Variants in CYP2C18 observed in about 807,000 individuals in gnomAD.
The protein encoded by CYP2C18 is cytochrome P450 2C18.
Under a neutral mutation model 41.3 loss-of-function variants are expected in CYP2C18, and 38 were observed. The ratio of observed to expected loss-of-function variants is 0.92; its 90% CI spans 0.71 to 1.21. CYP2C18 has a LOEUF of 1.21. CYP2C18 is among the 50% of genes most tolerant of loss of function. The pLI is 0.00. For missense variants in CYP2C18, 635 were observed against 591.4 expected, an observed-to-expected ratio of 1.07 and a Z score of -0.77; for synonymous variants, 236 against 210.0, an observed-to-expected ratio of 1.12 and a Z score of -1.07.
In CYP2C18 at chr10:94,735,663, C is replaced by A; in HGVS notation, c.*219C>A. The A allele has an allele frequency of 3.5e-6, 2 of 571,692 alleles. No individual in the cohort carries two copies. Among genetic ancestry groups the A allele is most frequent in the Non-Finnish European group, 6.2e-6 (2 of 320,444 alleles). 35.4% of individuals were successfully genotyped at this position (571,692 alleles called of 1,614,324 possible). A position where few individuals can be genotyped will look rare whatever the true frequency, so the allele number is the denominator to read the frequency against. On this transcript the variant is annotated 3_prime_UTR_variant, in exon 9 of 9. Transcript: ENST00000285979. ...CTGCTATTCTCCATACTCTGTATCA[C>A]TTGTATTGACCACCACATATGCTAA...
intron 4 of CYP2C18, among the ~76,000 whole-genome samples, chr10:94,706,541 T>C (rs773650900): frequency 2.0e-5 from 3 of 152,198 alleles, no homozygotes; most frequent in Non-Finnish European, 2.9e-5. Flanking sequence ...CATGAAGCTA[T>C]TTTAATATTC....
At chr10:94,686,000 C>A (rs187948590) in intron 1 of CYP2C18, among the ~76,000 whole-genome samples, 230 of 152,064 alleles carry the variant, frequency 1.5e-3, no homozygotes, top group Middle Eastern at 0.01. Flanking sequence ...CATTTTTCCA[C>A]TATTAGTTTT....
chr10:94,699,830 A>G (rs1194869647), intron 4 of CYP2C18, among the ~76,000 whole-genome samples: 1 of 152,192 alleles, frequency 6.6e-6, no homozygotes, highest in Non-Finnish European at 1.5e-5. Flanking sequence ...TTATACACCA[A>G]TAACAGAGAA....
At position 94,734,452 on chromosome 10, in the gene CYP2C18, G is replaced by A. The variant is rs79361537; in HGVS notation, c.1292-811G>A. ...TAAATACACAGATAATAGAATTCCC[G>A]GTGATCTATGCTCCAGTGGAAGCAT... On this transcript the variant is annotated intron_variant, in intron 8 of 8. Transcript: ENST00000285979. Among the ~76,000 whole-genome samples the A allele has an allele frequency of 5.8e-3, 882 of 152,208 alleles. 8 individuals are homozygous for A. Among genetic ancestry groups the A allele is most frequent in the African/African-American group, 0.02 (844 of 41,546 alleles).
rs181997244 is a variant in CYP2C18 at position 94,735,830 on chromosome 10, C to A, written c.*386C>A. The A allele has an allele frequency of 2.7e-4, 46 of 170,716 alleles. No homozygotes were observed. Among genetic ancestry groups the A allele is most frequent in the Admixed American group, 5.8e-4 (10 of 17,222 alleles). The allele number at this position is 170,716 out of a possible 1,614,324, so 10.6% of individuals were successfully genotyped here. A position where few individuals can be genotyped will look rare whatever the true frequency, so the allele number is the denominator to read the frequency against. On this transcript the variant is annotated 3_prime_UTR_variant, in exon 9 of 9. Coordinates refer to ENST00000285979, the MANE Select transcript of CYP2C18 (RefSeq NM_000772.3). ...ATTTACTGGGTCAGTTCTTAGATTT[C>A]TTTCTTTTGAGTAAAATGAAAGTAA...
At chr10:94,731,944 A>G (rs1411497314) in intron 7 of CYP2C18, among the ~76,000 whole-genome samples, 7 of 152,194 alleles carry the variant, frequency 4.6e-5, no homozygotes, top group Non-Finnish European at 1.0e-4. Context: ...AGCAATCACA[A>G]TGAAAAAAAA....
chr10:94,706,249 G>A (rs1236069538), intron 4 of CYP2C18, among the ~76,000 whole-genome samples: 1 of 152,072 alleles, frequency 6.6e-6, no homozygotes, highest in East Asian at 1.9e-4. Flanking sequence ...AACTACTCAC[G>A]GAAGTATCTT....
Position 94,683,933 on chromosome 10 carries a change from T to G in CYP2C18, c.114T>G (p.Ile38Met). 1 of 1,610,572 alleles carries G rather than the reference T, an allele frequency of 6.2e-7. No individual in the cohort carries two copies. The highest frequency in any genetic ancestry group is 1.1e-5 in the South Asian group (1 of 90,010). The change falls in exon 1 of 9, where the codon ATT becomes ATG. Residue 38 changes from isoleucine to methionine, a missense_variant. By Grantham distance (10) the Ile-to-Met change is conservative. Coordinates refer to ENST00000285979, the MANE Select transcript of CYP2C18 (RefSeq NM_000772.3). ...RLPSGPTPLP[I>M]IGNILQLDVK... Reference sequence around the variant, plus strand: ...CGTCTGGCCCCACTCCTCTCCCGATTATTGGAAATATCCTGCAGTTAGATG... The same window carrying G: ...CGTCTGGCCCCACTCCTCTCCCGATGATTGGAAATATCCTGCAGTTAGATG...
At chr10:94,727,694 C>T (rs7919273) in intron 7 of CYP2C18, among the ~76,000 whole-genome samples, 73,474 of 151,824 alleles carry the variant, frequency 0.48, 18,702 homozygotes, top group African/African-American at 0.63. Flanking sequence ...CTCCACATTA[C>T]TGGGAGTGTT....
At chr10:94,692,647 A>G (rs1172196530) in intron 3 of CYP2C18, among the ~76,000 whole-genome samples, 1 of 151,422 alleles carries the variant, frequency 6.6e-6, no homozygotes, top group Non-Finnish European at 1.5e-5. Flanking sequence ...GAAATGCCAT[A>G]TGACCCAGCC....
chr10:94,717,165 C>G (rs926419647), intron 5 of CYP2C18, among the ~76,000 whole-genome samples: 1 of 152,072 alleles, frequency 6.6e-6, no homozygotes, highest in African/African-American at 2.4e-5. Context: ...TTAATCAGTG[C>G]ATTTAGTCCA....
intron 5 of CYP2C18, among the ~76,000 whole-genome samples, chr10:94,715,568 G>A (rs1023187789): frequency 6.6e-6 from 1 of 152,158 alleles, no homozygotes; most frequent in Admixed American, 6.5e-5. Context: ...TTAATGTGCT[G>A]CTGGAATCAG....
At chr10:94,721,875 C>A (rs1847651998) in intron 6 of CYP2C18, among the ~76,000 whole-genome samples, 1 of 151,588 alleles carries the variant, frequency 6.6e-6, no homozygotes, top group Admixed American at 6.6e-5. Context: ...ATTTTTAAAT[C>A]CCACACATAA....
At chr10:94,729,140 G>A (rs1462143742) in intron 7 of CYP2C18, among the ~76,000 whole-genome samples, 1 of 152,110 alleles carries the variant, frequency 6.6e-6, no homozygotes, top group Non-Finnish European at 1.5e-5. Flanking sequence ...AGTATGAAGA[G>A]AGGGCAACCA....
intron 6 of CYP2C18, among the ~76,000 whole-genome samples, chr10:94,722,547 C>A (rs1847665019): frequency 6.6e-6 from 1 of 152,044 alleles, no homozygotes; most frequent in Non-Finnish European, 1.5e-5. Context: ...GAAGTTGCAA[C>A]CTAAGGGTCA....
intron 4 of CYP2C18, among the ~76,000 whole-genome samples, chr10:94,702,497 T>G (rs993342281): frequency 3.3e-5 from 5 of 151,954 alleles, no homozygotes; most frequent in African/African-American, 1.2e-4. Context: ...CTTCAATGTC[T>G]GTTATCCTTT....
At chr10:94,728,690 CA>C in intron 7 of CYP2C18, 1 of 652,966 alleles carries the variant, frequency 1.5e-6, no homozygotes, top group Non-Finnish European at 1.9e-6. Flanking sequence ...TTAATTAGAT[CA>C]GACCTCCATT....
At chr10:94,734,763 C>T (rs1847891475) in intron 8 of CYP2C18, among the ~76,000 whole-genome samples, 1 of 152,060 alleles carries the variant, frequency 6.6e-6, no homozygotes, top group African/African-American at 2.4e-5. Flanking sequence ...AGCCATTTGG[C>T]CTTTATCCCA....
intron 8 of CYP2C18, among the ~76,000 whole-genome samples, chr10:94,734,431 T>G (rs539044343): frequency 1.3e-5 from 2 of 152,220 alleles, no homozygotes; most frequent in East Asian, 3.9e-4. Flanking sequence ...GAAAAGTAAA[T>G]ACACAGATAA....
Sources: allele counts gnomAD v4.1 joint callset (sites outside exome capture counted in the v4.1 genomes callset), GRCh38; gene constraint gnomAD v4.1.1; transcripts MANE v1.5; gene names NCBI Gene and HGNC (gene_info 2026-07-23, HGNC 2026-07-21).